The following SIL1 variants were observed in gnomAD, a reference collection of about 807,000 sequenced individuals.
SIL1 encodes the protein nucleotide exchange factor SIL1.
SIL1 carries 40 observed loss-of-function variants against 49.1 expected under a neutral mutation model. The observed-to-expected ratio is 0.81, with a 90% CI of 0.63 to 1.06. SIL1 has a LOEUF of 1.06. SIL1 is among the 50% of genes least tolerant of loss of function. The pLI, the probability that SIL1 is intolerant of heterozygous loss-of-function variation, is 0.00. For missense variants in SIL1, 500 were observed against 572.6 expected (o/e 0.87, Z 1.29); for synonymous variants, 253 against 250.8 (o/e 1.01, Z -0.08).
intron 5 of SIL1, among the ~76,000 whole-genome samples, chr5:139,028,495 CACAAAACAAAACAAAACAAA>C (rs56269800): frequency 1.4e-3 from 212 of 149,292 alleles, no homozygotes; most frequent in South Asian, 4.2e-3. Flanking sequence ...GAGACTCCAT[CACAAAACAAAACAAAACAAA>C]ACAAAACAAA....
chr5:139,182,381 A>G (rs1752006472), intron 1 of SIL1, among the ~76,000 whole-genome samples: 1 of 152,228 alleles, frequency 6.6e-6, no homozygotes, highest in African/African-American at 2.4e-5. Context: ...CATCTGTCTC[A>G]TTCATCACTG....
chr5:139,038,691 G>A lies in SIL1; in HGVS notation c.453+3929C>T, dbSNP rs572170974. ...GCCACCACTGGATGCTGGCCACTGGGAGTGGAAGTCTAGGTTCCTCCCTGG... is the reference window on the plus strand; with the variant it reads ...GCCACCACTGGATGCTGGCCACTGGAAGTGGAAGTCTAGGTTCCTCCCTGG... On this transcript the variant is annotated intron_variant, in intron 5 of 9. Coordinates refer to ENST00000394817, the MANE Select transcript of SIL1 (RefSeq NM_022464.5). Among the ~76,000 whole-genome samples, 5 of 152,338 alleles carry A rather than the reference G, an allele frequency of 3.3e-5. No homozygotes were observed. The East Asian group carries it at 9.6e-4, about 29-fold the overall frequency.
chr5:139,059,680 T>C (rs1238305931), intron 3 of SIL1, among the ~76,000 whole-genome samples: 1 of 152,214 alleles, frequency 6.6e-6, no homozygotes, highest in Non-Finnish European at 1.5e-5. Context: ...TCTATATACA[T>C]GCACACACCT....
At chr5:139,005,468 ATACTTT>A (rs1268093483) in intron 7 of SIL1, among the ~76,000 whole-genome samples, 35 of 136,410 alleles carry the variant, frequency 2.6e-4, no homozygotes, top group South Asian at 2.3e-3. Context: ...TTTTTTTATT[ATACTTT>A]AAGTTTTAGG....
At chr5:139,027,465 G>A (rs1768684600) in intron 5 of SIL1, among the ~76,000 whole-genome samples, 1 of 152,188 alleles carries the variant, frequency 6.6e-6, no homozygotes, top group South Asian at 2.1e-4. Flanking sequence ...AGAAAACTAT[G>A]GGTAAGAGCT....
At chr5:139,197,038 G>A (rs955483705) in intron 1 of SIL1, among the ~76,000 whole-genome samples, 1 of 152,134 alleles carries the variant, frequency 6.6e-6, no homozygotes, top group African/African-American at 2.4e-5. Context: ...GGAGGCCGAG[G>A]TAGACAGATC....
At chr5:139,111,151 T>C (rs1770829914) in intron 3 of SIL1, among the ~76,000 whole-genome samples, 2 of 152,304 alleles carry the variant, frequency 1.3e-5, no homozygotes, top group East Asian at 1.9e-4. Flanking sequence ...CAACCTTCCA[T>C]TTCTCAAGCA....
intron 7 of SIL1, among the ~76,000 whole-genome samples, chr5:139,018,318 G>A (rs1196717913): frequency 2.6e-5 from 4 of 152,250 alleles, no homozygotes; most frequent in South Asian, 2.1e-4. Context: ...ACAAGAGACC[G>A]GACATGGTGG....
chr5:139,143,306 TACACACACACACAC>T (rs752710937), intron 1 of SIL1, among the ~76,000 whole-genome samples: 21,679 of 123,648 alleles, frequency 0.18, 2,417 homozygotes, highest in Non-Finnish European at 0.24. Flanking sequence ...TATACATATA[TACACACACACACAC>T]ACACACACAC....
In SIL1 at chr5:138,947,156, C is replaced by A; in HGVS notation, c.1347G>T (p.Leu449=). The A allele has an allele frequency of 6.2e-7, 1 of 1,613,682 alleles. No homozygotes were observed. Among genetic ancestry groups the A allele is most frequent in the Non-Finnish European group, 8.5e-7 (1 of 1,179,904 alleles). The change falls in exon 10 of 10, where the codon CTG becomes CTT. Residue 449 remains leucine, a synonymous_variant. Coordinates refer to ENST00000394817, the MANE Select transcript of SIL1 (RefSeq NM_022464.5). The surrounding 1 kb of genome is among the most constrained non-coding windows in gnomAD (Gnocchi z 4.1). ...TCAGCAAGCTGTTGACAGAGCCCAG[C>A]AGCTCCTGGAAGTAGCCCTCGTCCT... The part of the protein sequence containing the change: ...DGEDEGYFQE[L]LGSVNSLLKE...
At chr5:139,118,969 G>A (rs1333609037) in intron 3 of SIL1, among the ~76,000 whole-genome samples, 1 of 152,132 alleles carries the variant, frequency 6.6e-6, no homozygotes, top group Non-Finnish European at 1.5e-5. Flanking sequence ...CCTGGGATGG[G>A]GCAGGCATGA....
rs1425514029 is a variant in SIL1 at position 138,950,770 on chromosome 5, A to C, written c.1029+401T>G. Among the ~76,000 whole-genome samples the C allele has an allele frequency of 2.0e-5, 3 of 152,208 alleles. No individual in the cohort carries two copies. In the East Asian group the frequency reaches 5.8e-4, roughly 29 times the overall value. ...CCCTGCCCAGAGCCAAAGCTCACAGAGGAGGCACCTCCACGTTTCTAGAAT... is the reference window on the plus strand; with the variant it reads ...CCCTGCCCAGAGCCAAAGCTCACAGCGGAGGCACCTCCACGTTTCTAGAAT... On this transcript the variant is annotated intron_variant, in intron 9 of 9. Coordinates refer to ENST00000394817, the MANE Select transcript of SIL1 (RefSeq NM_022464.5).
chr5:139,159,139 G>A (rs1004063011), intron 1 of SIL1, among the ~76,000 whole-genome samples: 2 of 151,230 alleles, frequency 1.3e-5, no homozygotes, highest in Admixed American at 6.6e-5. Context: ...TCATTTAGCA[G>A]CACATGCGCA....
intron 1 of SIL1, among the ~76,000 whole-genome samples, chr5:139,160,936 G>A (rs1182727059): frequency 5.3e-5 from 8 of 152,026 alleles, no homozygotes; most frequent in Non-Finnish European, 1.2e-4. Flanking sequence ...AGTAACTAAA[G>A]CAAGTTAATA....
At chr5:139,155,961 T>A (rs560454436) in intron 1 of SIL1, among the ~76,000 whole-genome samples, 1 of 151,908 alleles carries the variant, frequency 6.6e-6, no homozygotes, top group Non-Finnish European at 1.5e-5. Context: ...GCCTCCCAAA[T>A]AGCTGGGATT....
At chr5:139,098,800 T>G (rs1770522965) in intron 3 of SIL1, among the ~76,000 whole-genome samples, 2 of 147,786 alleles carry the variant, frequency 1.4e-5, no homozygotes, top group African/African-American at 2.5e-5. Flanking sequence ...TGAATAGACT[T>G]TTCTTACTCT....
At chr5:139,076,924 A>G (rs1037599012) in intron 3 of SIL1, among the ~76,000 whole-genome samples, 1 of 152,144 alleles carries the variant, frequency 6.6e-6, no homozygotes, top group Admixed American at 6.5e-5. Flanking sequence ...AGGTCAGGAG[A>G]GGAGATAAGA....
intron 1 of SIL1, among the ~76,000 whole-genome samples, chr5:139,188,391 C>A (rs1468057026): frequency 6.6e-6 from 1 of 152,184 alleles, no homozygotes; most frequent in East Asian, 1.9e-4. Flanking sequence ...CTATTGTTTA[C>A]CAATTCAGAT....
rs551408611 is a variant in SIL1, at chr5:139,045,298, T to C, written c.354-2579A>G. On this transcript the variant is annotated intron_variant, in intron 4 of 9. Transcript: ENST00000394817. ...CTTGAGCCCAGGCTGTAGTGAGCCA[T>C]GATTAGGCCACTGCACTCCAGTCTG... 1.1e-4 allele frequency among the ~76,000 whole-genome samples: 16 copies of C among 152,238 alleles called. No homozygotes were observed. The East Asian group carries it at 2.9e-3, about 28-fold the overall frequency.
Sources: allele counts gnomAD v4.1 joint callset (sites outside exome capture counted in the v4.1 genomes callset), GRCh38; gene constraint gnomAD v4.1.1; non-coding constraint Gnocchi (gnomAD v3.1); transcripts MANE v1.5; gene names NCBI Gene and HGNC (gene_info 2026-07-23, HGNC 2026-07-21).